Variants in SEMA3C observed in about 807,000 individuals in gnomAD.
The protein encoded by SEMA3C is semaphorin-3C.
Under a neutral mutation model 89.4 loss-of-function variants are expected in SEMA3C, and 47 were observed. The observed-to-expected ratio is 0.53, with a 90% CI of 0.42 to 0.67. The LOEUF is 0.67. Among genes scored for constraint, SEMA3C ranks in the 30% least tolerant of loss-of-function variants. The pLI is 0.00. For missense variants in SEMA3C, 839 were observed against 929.1 expected (o/e 0.90, Z 1.26); for synonymous variants, 310 against 320.2 (o/e 0.97, Z 0.34).
At chr7:80,801,879 G>T (rs1457245578) in intron 9 of SEMA3C, among the ~76,000 whole-genome samples, 1 of 151,982 alleles carries the variant, frequency 6.6e-6, no homozygotes, top group Non-Finnish European at 1.5e-5. Context: ...CAACATAATG[G>T]TTTTTGATCA....
intron 3 of SEMA3C, among the ~76,000 whole-genome samples, chr7:80,827,922 G>A (rs1380648596): frequency 2.0e-5 from 3 of 152,038 alleles, no homozygotes; most frequent in African/African-American, 7.2e-5. Flanking sequence ...GGGCCCCTGG[G>A]TACTTCAATA....
intron 14 of SEMA3C, among the ~76,000 whole-genome samples, chr7:80,760,040 A>G (rs1562862542): frequency 6.6e-6 from 1 of 152,202 alleles, no homozygotes. Flanking sequence ...AAAATAAGAG[A>G]GCATAAGATG....
intron 4 of SEMA3C, among the ~76,000 whole-genome samples, chr7:80,824,671 A>G (rs1177211284): frequency 6.6e-6 from 1 of 152,130 alleles, no homozygotes; most frequent in East Asian, 1.9e-4. Context: ...GAGGGATAGC[A>G]TGTTTTAGTG....
chr7:80,830,499 A>G (rs1035427803), intron 2 of SEMA3C, among the ~76,000 whole-genome samples: 1 of 152,206 alleles, frequency 6.6e-6, no homozygotes, highest in Non-Finnish European at 1.5e-5. Flanking sequence ...CCCTAAAATT[A>G]TTAGGACATA....
chr7:80,768,520 A>AG (rs1788356211), intron 12 of SEMA3C, among the ~76,000 whole-genome samples: 1 of 152,156 alleles, frequency 6.6e-6, no homozygotes, highest in Non-Finnish European at 1.5e-5. Flanking sequence ...TCTAAAAAAA[A>AG]AAAAAAAAGA....
intron 4 of SEMA3C, among the ~76,000 whole-genome samples, chr7:80,821,431 G>A (rs1264065030): frequency 6.6e-6 from 1 of 151,890 alleles, no homozygotes; most frequent in Admixed American, 6.6e-5. Flanking sequence ...TTTTTTTGGG[G>A]GGGTGGGCGA....
At chr7:80,849,133 C>T (rs938973762) in intron 2 of SEMA3C, among the ~76,000 whole-genome samples, 2 of 152,132 alleles carry the variant, frequency 1.3e-5, no homozygotes, top group Non-Finnish European at 2.9e-5. Flanking sequence ...AGTATGTCTA[C>T]CTAATTCTAC....
rs576275246 is a variant in SEMA3C, at chr7:80,822,497, G to A, written c.328-4079C>T. ...GGACTAGTGCCTAGAAGGGTTAGAG[G>A]ATAACTGTGTGATGAAATCAGAGAG... On this transcript the variant is annotated intron_variant, in intron 4 of 17. Coordinates refer to ENST00000265361, the MANE Select transcript of SEMA3C (RefSeq NM_006379.5). Among the ~76,000 whole-genome samples, 7 of 152,236 alleles carry A rather than the reference G, an allele frequency of 4.6e-5. No homozygotes were observed. In the East Asian group the frequency reaches 1.2e-3, roughly 25 times the overall value.
At chr7:80,864,734 C>T (rs1320262448) in intron 2 of SEMA3C, among the ~76,000 whole-genome samples, 1 of 152,152 alleles carries the variant, frequency 6.6e-6, no homozygotes. Flanking sequence ...CTAGATTCTC[C>T]ATCTCTCCTG....
chr7:80,868,953 T>G (rs781761149), intron 2 of SEMA3C, among the ~76,000 whole-genome samples: 5 of 152,202 alleles, frequency 3.3e-5, no homozygotes, highest in Admixed American at 2.6e-4. Flanking sequence ...AATACCAAAA[T>G]GCATACTTAA....
At chr7:80,834,905 T>C (rs934029600) in intron 2 of SEMA3C, among the ~76,000 whole-genome samples, 1 of 152,224 alleles carries the variant, frequency 6.6e-6, no homozygotes, top group Non-Finnish European at 1.5e-5. Flanking sequence ...TGTATTGCTT[T>C]TAAAATGTGT....
chr7:80,880,354 G>A (rs1791304220), intron 2 of SEMA3C, among the ~76,000 whole-genome samples: 1 of 152,132 alleles, frequency 6.6e-6, no homozygotes. Context: ...AAGAATATAA[G>A]ATTCACTATA....
At position 80,828,632 on chromosome 7, in the gene SEMA3C, G is replaced by A; in HGVS notation, c.217C>T (p.His73Tyr). 6.2e-7 allele frequency: 1 copy of A among 1,611,604 alleles called. No individual in the cohort carries two copies. Among genetic ancestry groups the A allele is most frequent in the Non-Finnish European group, 8.5e-7 (1 of 1,178,390 alleles). Residue 73 changes from histidine to tyrosine, a missense_variant, in exon 3 of 18, where the codon CAC (histidine) becomes TAC (tyrosine). His to Tyr is a moderately conservative substitution (Grantham distance 83). Coordinates refer to ENST00000265361, the MANE Select transcript of SEMA3C (RefSeq NM_006379.5). ...TTGTTAATATTCAGGGAAAGAATGT[G>A]ATCTTTGCTTCCCACATATATCCGG... is the stretch of plus-strand genomic sequence containing the variant. Reference protein sequence around the residue: ...QDRIYVGSKDHILSLNINNIS... With the variant: ...QDRIYVGSKDYILSLNINNIS...
At chr7:80,894,756 C>T (rs576104801) in intron 2 of SEMA3C, among the ~76,000 whole-genome samples, 2 of 151,880 alleles carry the variant, frequency 1.3e-5, no homozygotes, top group African/African-American at 4.8e-5. Flanking sequence ...CTGATTGGAC[C>T]CACTCTTAAC....
At chr7:80,880,501 G>A (rs991085737) in intron 2 of SEMA3C, among the ~76,000 whole-genome samples, 11 of 152,156 alleles carry the variant, frequency 7.2e-5, no homozygotes, top group Non-Finnish European at 1.5e-4. Context: ...AATCATAGTG[G>A]TTGCTTATCT....
chr7:80,820,952 T>G (rs992393901), intron 4 of SEMA3C, among the ~76,000 whole-genome samples: 3 of 152,202 alleles, frequency 2.0e-5, no homozygotes, highest in Non-Finnish European at 4.4e-5. Context: ...TTGGGTCTTA[T>G]GGATGTCAAT....
At chr7:80,747,239 G>C (rs1787823566) in intron 17 of SEMA3C, among the ~76,000 whole-genome samples, 1 of 151,986 alleles carries the variant, frequency 6.6e-6, no homozygotes, top group East Asian at 1.9e-4. Flanking sequence ...CCATATTCTT[G>C]AGCATTCTGA....
rs73709025 is a variant in SEMA3C, at chr7:80,801,298, G to T, written c.917-472C>A. Among the ~76,000 whole-genome samples, 721 of 152,104 alleles carry T rather than the reference G, an allele frequency of 4.7e-3. 9 individuals carry two copies. Among genetic ancestry groups the T allele is most frequent in the African/African-American group, 0.017 (690 of 41,544 alleles). On this transcript the variant is annotated intron_variant, in intron 9 of 17. Transcript: ENST00000265361. ...CTTTTTGATCTAATCTTAGGAGCTG[G>T]AAGATGGAATAAAACTTTTTCACGG... is the stretch of plus-strand genomic sequence containing the variant.
At chr7:80,812,639 C>T (rs973810343) in intron 5 of SEMA3C, among the ~76,000 whole-genome samples, 2 of 152,124 alleles carry the variant, frequency 1.3e-5, no homozygotes, top group Non-Finnish European at 2.9e-5. Context: ...ATCACCCCCA[C>T]CAGGAGCAGA....
Sources: allele counts gnomAD v4.1 joint callset (sites outside exome capture counted in the v4.1 genomes callset), GRCh38; gene constraint gnomAD v4.1.1; transcripts MANE v1.5; gene names NCBI Gene and HGNC (gene_info 2026-07-23, HGNC 2026-07-21).